Variants in ERAP2 observed in about 807,000 individuals in gnomAD.
ERAP2 encodes the protein leukocyte-derived arginine aminopeptidase.
A neutral mutation model predicts 111.1 loss-of-function variants in ERAP2; 118 were observed. The observed-to-expected ratio is 1.06, with a 90% CI of 0.92 to 1.24. The LOEUF is 1.24. ERAP2 is among the 50% of genes most tolerant of loss of function. The pLI is 0.00. For missense variants in ERAP2, 1,131 were observed against 1,125.8 expected, an observed-to-expected ratio of 1.00 and a Z score of -0.07; for synonymous variants, 410 against 401.2, an observed-to-expected ratio of 1.02 and a Z score of -0.26.
At chr5:96,883,771 T>TG in intron 2 of ERAP2, 21 bp from the exon 3 acceptor site, 2 of 1,601,972 alleles carry the variant, frequency 1.2e-6, no homozygotes, top group South Asian at 1.1e-5. Flanking sequence ...GCATTTTGGC[T>TG]GGGGGTGGGT....
intron 5 of ERAP2, among the ~76,000 whole-genome samples, chr5:96,891,105 TG>T (rs1209641610): frequency 6.6e-6 from 1 of 152,162 alleles, no homozygotes; most frequent in African/African-American, 2.4e-5. Context: ...TTTTTGATTG[TG>T]TTATGTATAC....
chr5:96,903,450 CTA>C lies in ERAP2; in HGVS notation c.1904_1905del (p.Tyr635Ter). ...VDSNGYYIVHYEGHGWDQLIT... is the reference protein window; with the variant it reads ...VDSNGYYIVHXEGHGWDQLIT... ...ACTCAAATGGTTACTACATCGTTCA[CTA>C]TGAGGGTCATGGATGGGACCAACTC... is the stretch of plus-strand genomic sequence containing the variant. On this transcript the variant is annotated frameshift_variant, in exon 13 of 19. Transcript: ENST00000437043. LOFTEE classifies it high-confidence loss of function. The C allele has an allele frequency of 2.5e-6, 4 of 1,614,030 alleles. No individual in the cohort carries two copies. Among genetic ancestry groups the C allele is most frequent in the Non-Finnish European group, 3.4e-6 (4 of 1,179,946 alleles).
chr5:96,884,543 G>A (rs1267255434), intron 3 of ERAP2, among the ~76,000 whole-genome samples: 4 of 129,916 alleles, frequency 3.1e-5, no homozygotes, highest in Non-Finnish European at 6.6e-5. Flanking sequence ...ATTAATTGTG[G>A]TTATACAAGT....
intron 14 of ERAP2, 128 bp from the exon 15 acceptor site, chr5:96,909,452 G>GAAAGCCAGAAAAAGAT (rs1442227380): frequency 1.4e-6 from 1 of 737,972 alleles, no homozygotes; most frequent in Non-Finnish European, 2.3e-6. Flanking sequence ...AGAGAAATAC[G>GAAAGCCAGAAAAAGAT]AAGATACACT....
At chr5:96,897,373 C>G (rs1309554054) in intron 9 of ERAP2, among the ~76,000 whole-genome samples, 2 of 152,158 alleles carry the variant, frequency 1.3e-5, no homozygotes, top group Non-Finnish European at 2.9e-5. Flanking sequence ...TTTTAAGATC[C>G]AGCTGAGATT....
chr5:96,877,343 T>TA lies in ERAP2; in HGVS notation c.-123+819dup, dbSNP rs1485687739. Reference sequence around the variant, plus strand: ...TTACAACCCTTACTAGTTCTAAAGTTAAAGACTGTGTGAGTAAAGCTTTTC... The same window carrying TA: ...TTACAACCCTTACTAGTTCTAAAGTTAAAAGACTGTGTGAGTAAAGCTTTTC... On this transcript the variant is annotated intron_variant, in intron 1 of 18. Coordinates refer to ENST00000437043, the MANE Select transcript of ERAP2 (RefSeq NM_022350.5). 3.3e-5 allele frequency among the ~76,000 whole-genome samples: 5 copies of TA among 152,238 alleles called. No homozygotes were observed. The East Asian group carries it at 9.6e-4, about 29-fold the overall frequency.
rs1787751111 is a variant in ERAP2, at chr5:96,919,385, C to T, written c.*1780C>T. On this transcript the variant is annotated 3_prime_UTR_variant, in exon 19 of 19. Transcript: ENST00000437043. ...GTTTTTATAACACCTAAGAGATATC[C>T]TTTAGAATTACATGTATTTTAGCAT... 2 of 152,168 alleles carry T rather than the reference C, an allele frequency of 1.3e-5. No individual in the cohort carries two copies. The highest frequency in any genetic ancestry group is 2.9e-5 in the Non-Finnish European group (2 of 68,010). The allele number at this position is 152,168 out of a possible 1,614,324, so 9.4% of individuals were successfully genotyped here.
chr5:96,879,549 G>GT lies in ERAP2; in HGVS notation c.-122-8dup, dbSNP rs1387728864. 3.0e-5 allele frequency: 19 copies of GT among 643,822 alleles called. No individual in the cohort carries two copies. The highest frequency in any genetic ancestry group is 4.5e-5 in the Non-Finnish European group (17 of 377,576). The allele number at this position is 643,822 out of a possible 1,614,324, so 39.9% of individuals were successfully genotyped here. ...ATCTTTTTTGTCATGCTATAAGTGT[G>GT]TTTTTTTCTTCTAGATTAAATTCAT... On this transcript the variant is annotated splice_polypyrimidine_tract_variant and intron_variant, in intron 1 of 18. Transcript: ENST00000437043.
Position 96,895,345 on chromosome 5 carries a change from C to A in ERAP2, c.1225C>A (p.Pro409Thr), listed in dbSNP as rs1367711209. Reference protein sequence around the residue: ...MELIAVNATYPELQFDDYFLN... With the variant: ...MELIAVNATYTELQFDDYFLN... ...ACTTATCGCTGTTAATGCTACATAT[C>A]CAGAGCTGCAATTTGTAAGTTCACA... is the stretch of plus-strand genomic sequence containing the variant. Residue 409 changes from proline to threonine, a missense_variant, in exon 7 of 19, where the codon CCA becomes ACA. Coordinates refer to ENST00000437043, the MANE Select transcript of ERAP2 (RefSeq NM_022350.5). 9.3e-6 allele frequency: 15 copies of A among 1,606,430 alleles called. No individual in the cohort carries two copies. Among genetic ancestry groups the A allele is most frequent in the Non-Finnish European group, 1.3e-5 (15 of 1,174,160 alleles).
chr5:96,899,258 T>C (rs1450079388), intron 9 of ERAP2, among the ~76,000 whole-genome samples: 1 of 152,146 alleles, frequency 6.6e-6, no homozygotes, highest in Non-Finnish European at 1.5e-5. Flanking sequence ...TATTCAATTA[T>C]ATCACAGCTA....
At chr5:96,908,703 A>G (rs1035648329) in intron 13 of ERAP2, among the ~76,000 whole-genome samples, 1 of 152,236 alleles carries the variant, frequency 6.6e-6, no homozygotes, top group Non-Finnish European at 1.5e-5. Context: ...ATATTAGGTC[A>G]TTAATCCTCA....
chr5:96,893,110 T>C (rs75511170), intron 6 of ERAP2, among the ~76,000 whole-genome samples: 59 of 152,310 alleles, frequency 3.9e-4, no homozygotes, highest in African/African-American at 1.3e-3. Flanking sequence ...GAAATACTAC[T>C]ATTTCTTGCA....
chr5:96,878,466 T>C lies in ERAP2; in HGVS notation c.-122-1098T>C, dbSNP rs987550773. Reference sequence around the variant, plus strand: ...TATATATAGAATATTCTTTGTGACTTATGAAGACAAAATAGAGACATCTTG... The same window carrying C: ...TATATATAGAATATTCTTTGTGACTCATGAAGACAAAATAGAGACATCTTG... On this transcript the variant is annotated intron_variant, in intron 1 of 18. Coordinates refer to ENST00000437043, the MANE Select transcript of ERAP2 (RefSeq NM_022350.5). Among the ~76,000 whole-genome samples the C allele has an allele frequency of 2.6e-5, 4 of 152,250 alleles. 1 individual carries two copies. The highest frequency in any genetic ancestry group is 2.6e-4 in the Admixed American group (4 of 15,298).
rs3849748 is a variant in ERAP2, at chr5:96,883,173, G to A, written c.576-619G>A. On this transcript the variant is annotated intron_variant, in intron 2 of 18. Transcript: ENST00000437043. ...GCTCCTTGCCTCCAGTGGGGGACACGTGAAGGCGTAGTTTGCATCCCAGAG... is the reference window on the plus strand; with the variant it reads ...GCTCCTTGCCTCCAGTGGGGGACACATGAAGGCGTAGTTTGCATCCCAGAG... Among the ~76,000 whole-genome samples, 430 of 152,198 alleles carry A rather than the reference G, an allele frequency of 2.8e-3. 7 individuals carry two copies. Among genetic ancestry groups the A allele is most frequent in the African/African-American group, 9.9e-3 (409 of 41,502 alleles).
intron 15 of ERAP2, among the ~76,000 whole-genome samples, chr5:96,911,663 G>C (rs552591057): frequency 5.3e-4 from 81 of 151,892 alleles, no homozygotes; most frequent in Non-Finnish European, 1.0e-3. Flanking sequence ...CTTGAGCCCA[G>C]GAATTTGAGA....
At chr5:96,883,770 C>A in intron 2 of ERAP2, 22 bp from the exon 3 acceptor site, 1 of 1,600,432 alleles carries the variant, frequency 6.2e-7, no homozygotes, top group Non-Finnish European at 8.5e-7. Context: ...TGCATTTTGG[C>A]TGGGGGTGGG....
At chr5:96,908,875 T>G (rs566241171) in intron 13 of ERAP2, 86 bp from the exon 14 acceptor site, 5 of 1,352,144 alleles carry the variant, frequency 3.7e-6, no homozygotes, top group Non-Finnish European at 5.1e-6. Context: ...TCTGTTATTG[T>G]TCTCTATTTC....
chr5:96,893,288 C>A (rs755971324), intron 6 of ERAP2, among the ~76,000 whole-genome samples: 6 of 152,120 alleles, frequency 3.9e-5, no homozygotes, highest in Non-Finnish European at 7.4e-5. Flanking sequence ...ACCAAGTGGG[C>A]AAATATCATT....
rs545874564 is a variant in ERAP2 at position 96,889,540 on chromosome 5, T to C, written c.970+235T>C. 6 of 691,144 alleles carry C rather than the reference T, an allele frequency of 8.7e-6. No homozygotes were observed. The South Asian group carries it at 1.0e-4, about 12-fold the overall frequency. The allele number at this position is 691,144 out of a possible 1,614,324, so 42.8% of individuals were successfully genotyped here. A position where few individuals can be genotyped will look rare whatever the true frequency, so the allele number is the denominator to read the frequency against. ...TTTTATCAGGTTTAACGTTAACATATCTGCATCGAACTCTTTCCCAGGCTG... is the reference window on the plus strand; with the variant it reads ...TTTTATCAGGTTTAACGTTAACATACCTGCATCGAACTCTTTCCCAGGCTG... On this transcript the variant is annotated intron_variant, in intron 5 of 18. Coordinates refer to ENST00000437043, the MANE Select transcript of ERAP2 (RefSeq NM_022350.5).
Sources: allele counts gnomAD v4.1 joint callset (sites outside exome capture counted in the v4.1 genomes callset), GRCh38; gene constraint gnomAD v4.1.1; transcripts MANE v1.5; gene names NCBI Gene and HGNC (gene_info 2026-07-23, HGNC 2026-07-21).